Variants in ANO2 observed in about 807,000 individuals in gnomAD.
ANO2 encodes anoctamin-2.
ANO2 carries 101 observed loss-of-function variants against 124.2 expected under a neutral mutation model. The observed-to-expected ratio is 0.81, with a 90% CI of 0.69 to 0.96. The LOEUF (loss-of-function observed/expected upper bound fraction) is 0.96. ANO2 is among the 40% of genes least tolerant of loss of function. The pLI is 0.00. For missense variants in ANO2, 1,293 were observed against 1,274.5 expected, an observed-to-expected ratio of 1.01 and a Z score of -0.22; for synonymous variants, 486 against 482.5, an observed-to-expected ratio of 1.01 and a Z score of -0.09.
At chr12:5,712,113 T>A (rs893851780) in intron 14 of ANO2, among the ~76,000 whole-genome samples, 3 of 152,148 alleles carry the variant, frequency 2.0e-5, no homozygotes, top group Non-Finnish European at 4.4e-5. Flanking sequence ...AGATAGTTCA[T>A]CTTGAAGGAA....
intron 14 of ANO2, among the ~76,000 whole-genome samples, chr12:5,698,648 G>A (rs1049781289): frequency 4.6e-5 from 7 of 152,130 alleles, no homozygotes; most frequent in Non-Finnish European, 8.8e-5. Context: ...AAATTTCTCC[G>A]AGCTAAAGGA....
At chr12:5,580,322 T>G (rs1249012329) in intron 20 of ANO2, among the ~76,000 whole-genome samples, 1 of 152,164 alleles carries the variant, frequency 6.6e-6, no homozygotes, top group East Asian at 1.9e-4. Context: ...ATCTTTTATG[T>G]GTAATTTTAT....
intron 1 of ANO2, among the ~76,000 whole-genome samples, chr12:5,943,275 G>T (rs1565800950): frequency 2.2e-5 from 2 of 89,416 alleles, no homozygotes; most frequent in Non-Finnish European, 4.8e-5. Flanking sequence ...TTGAGTGTGT[G>T]TTTGTGTGTG....
chr12:5,917,819 T>A (rs1332097941), intron 3 of ANO2, among the ~76,000 whole-genome samples: 1 of 152,062 alleles, frequency 6.6e-6, no homozygotes, highest in African/African-American at 2.4e-5. Context: ...TCCATCCAAC[T>A]CACCGTCCCA....
intron 14 of ANO2, among the ~76,000 whole-genome samples, chr12:5,718,435 C>G (rs1950099839): frequency 6.6e-6 from 1 of 152,230 alleles, no homozygotes; most frequent in Non-Finnish European, 1.5e-5. Context: ...ATTCTATCAT[C>G]TGTCACTTCC....
intron 20 of ANO2, among the ~76,000 whole-genome samples, chr12:5,589,479 C>G: frequency 6.6e-6 from 1 of 152,124 alleles, no homozygotes; most frequent in East Asian, 1.9e-4. Context: ...AAGTGAGATT[C>G]TGTTAGCCTA....
Position 5,576,132 on chromosome 12 carries a change from T to C in ANO2, c.2440-117A>G, listed in dbSNP as rs1942394849. On this transcript the variant is annotated intron_variant, in intron 22 of 24. Coordinates refer to ENST00000682330, the MANE Select transcript of ANO2 (RefSeq NM_001364791.2). ...GACTGATACAGAAGCTCATGCAGCA[T>C]GATCAGGTCCCTGAGCTCATGCAGC... 4.7e-6 allele frequency: 5 copies of C among 1,063,694 alleles called. 1 individual carries two copies. The highest frequency in any genetic ancestry group is 6.5e-6 in the Non-Finnish European group (5 of 774,738). The allele number at this position is 1,063,694 out of a possible 1,614,324, so 65.9% of individuals were successfully genotyped here.
chr12:5,879,263 AGGG>A (rs35056637), intron 3 of ANO2, among the ~76,000 whole-genome samples: 34,441 of 152,164 alleles, frequency 0.23, 4,415 homozygotes, highest in Admixed American at 0.33. Flanking sequence ...GTAAATAAGA[AGGG>A]ACTGTACTCA....
intron 11 of ANO2, among the ~76,000 whole-genome samples, chr12:5,745,268 T>C (rs1312524248): frequency 2.0e-5 from 3 of 152,140 alleles, no homozygotes; most frequent in Admixed American, 6.5e-5. Flanking sequence ...CCCTCTGTTG[T>C]GTAATATTCT....
chr12:5,923,092 A>ACACACACACG lies in ANO2; in HGVS notation c.23-289_23-288insCGTGTGTGTG, dbSNP rs1491562786. Among the ~76,000 whole-genome samples, 29 of 10,720 alleles carry ACACACACACG rather than the reference A, an allele frequency of 2.7e-3. 3 individuals carry two copies. Among genetic ancestry groups the ACACACACACG allele is most frequent in the East Asian group, 0.045 (1 of 22 alleles). The allele number at this position is 10,720 out of a possible 152,430, so 7.0% of individuals were successfully genotyped here. A position where few individuals can be genotyped will look rare whatever the true frequency, so the allele number is the denominator to read the frequency against. ...CACACATGCACACATACACACACAC[A>ACACACACACG]CGCACACACATACACACACATGCAC... On this transcript the variant is annotated intron_variant, in intron 1 of 24. Coordinates refer to ENST00000682330, the MANE Select transcript of ANO2 (RefSeq NM_001364791.2).
rs866409331 is a variant in ANO2 at position 5,923,122 on chromosome 12, A to G, written c.23-318T>C. ...CACACATACACACACATGCACGCAC[A>G]CACACCCACATACACACACATGCAC... On this transcript the variant is annotated intron_variant, in intron 1 of 24. Transcript: ENST00000682330. Among the ~76,000 whole-genome samples the G allele has an allele frequency of 3.2e-4, 20 of 63,338 alleles. 2 individuals are homozygous for G. The highest frequency in any genetic ancestry group is 7.5e-3 in the Middle Eastern group (1 of 134). The allele number at this position is 63,338 out of a possible 152,430, so 41.6% of individuals were successfully genotyped here.
At chr12:5,902,148 C>T (rs941440922) in intron 3 of ANO2, among the ~76,000 whole-genome samples, 1 of 152,146 alleles carries the variant, frequency 6.6e-6, no homozygotes, top group Non-Finnish European at 1.5e-5. Context: ...CTACAGTGCA[C>T]CTCACTTCGA....
At chr12:5,630,246 T>C (rs2136930676) in intron 16 of ANO2, among the ~76,000 whole-genome samples, 1 of 152,264 alleles carries the variant, frequency 6.6e-6, no homozygotes. Flanking sequence ...GCCAAGCGGG[T>C]GTTAAACCCA....
At chr12:5,915,146 T>C (rs906303719) in intron 3 of ANO2, among the ~76,000 whole-genome samples, 4 of 152,152 alleles carry the variant, frequency 2.6e-5, no homozygotes, top group Non-Finnish European at 5.9e-5. Flanking sequence ...TTTATATGAA[T>C]TGGTAGGGTG....
At chr12:5,815,956 G>A (rs949875650) in intron 7 of ANO2, among the ~76,000 whole-genome samples, 2 of 152,042 alleles carry the variant, frequency 1.3e-5, no homozygotes, top group Non-Finnish European at 2.9e-5. Context: ...ATAAACAGGA[G>A]TGTTTCCAAG....
At chr12:5,724,945 C>T (rs1950377388) in intron 14 of ANO2, among the ~76,000 whole-genome samples, 1 of 152,098 alleles carries the variant, frequency 6.6e-6, no homozygotes, top group Non-Finnish European at 1.5e-5. Flanking sequence ...CTACATTTGC[C>T]ATTAGCCCCC....
At chr12:5,742,029 C>T (rs959676174) in intron 12 of ANO2, among the ~76,000 whole-genome samples, 2 of 152,166 alleles carry the variant, frequency 1.3e-5, no homozygotes, top group Admixed American at 1.3e-4. Context: ...ACTTCACTCT[C>T]TTTCCCAACA....
chr12:5,721,516 T>G (rs1038259363), intron 14 of ANO2, among the ~76,000 whole-genome samples: 13 of 152,008 alleles, frequency 8.6e-5, no homozygotes, highest in South Asian at 2.1e-4. Context: ...TTTTTTGTTT[T>G]TTTTTAAGAG....
At chr12:5,834,741 T>G (rs1432495957) in intron 4 of ANO2, among the ~76,000 whole-genome samples, 1 of 152,244 alleles carries the variant, frequency 6.6e-6, no homozygotes, top group Admixed American at 6.5e-5. Flanking sequence ...CATTAAAGTA[T>G]ATTAACTAAA....
Sources: allele counts gnomAD v4.1 joint callset (sites outside exome capture counted in the v4.1 genomes callset), GRCh38; gene constraint gnomAD v4.1.1; transcripts MANE v1.5; gene names NCBI Gene and HGNC (gene_info 2026-07-23, HGNC 2026-07-21).